Variants in REDIC1 observed in about 807,000 individuals in gnomAD.
The protein encoded by REDIC1 is regulator of DNA class I crossover intermediates 1, also known as HEI10 Interacting Protein 1.
At chr12:39,896,023 C>A in the REDIC1 span, among the ~76,000 whole-genome samples, 2 of 135,606 alleles carry the variant, frequency 1.5e-5, no homozygotes, top group Non-Finnish European at 3.1e-5. Flanking sequence ...TATATGTATA[C>A]ATACATGCAT....
the REDIC1 span, among the ~76,000 whole-genome samples, chr12:39,811,178 A>C: frequency 6.6e-6 from 1 of 152,080 alleles, no homozygotes; most frequent in Admixed American, 6.5e-5. Flanking sequence ...TAATTATAAT[A>C]ATAGAAAGTT....
chr12:39,683,238 G>C, the REDIC1 span: 23 of 1,280,512 alleles, frequency 1.8e-5, no homozygotes, highest in Admixed American at 2.4e-5. Context: ...CTATATATTT[G>C]TATGTGTGTT....
the REDIC1 span, chr12:39,764,917 T>A: frequency 6.4e-7 from 1 of 1,557,542 alleles, no homozygotes; most frequent in Non-Finnish European, 8.8e-7. Context: ...TTGCAGAAAT[T>A]CAATATGATC....
the REDIC1 span, chr12:39,716,692 G>C: frequency 8.5e-7 from 1 of 1,173,406 alleles, no homozygotes; most frequent in African/African-American, 1.6e-5. Context: ...TCTTCTGCCT[G>C]GCATATGTAT....
chr12:39,686,615 A>G, the REDIC1 span, among the ~76,000 whole-genome samples: 1 of 150,224 alleles, frequency 6.7e-6, no homozygotes, highest in Non-Finnish European at 1.5e-5. Context: ...GTGAAATGCC[A>G]TTGAGACCTA....
At chr12:39,766,598 A>C in the REDIC1 span, among the ~76,000 whole-genome samples, 1 of 151,942 alleles carries the variant, frequency 6.6e-6, no homozygotes, top group East Asian at 1.9e-4. Flanking sequence ...CCTTCACTAA[A>C]TATTTCTCTG....
chr12:39,748,491 G>A, the REDIC1 span, among the ~76,000 whole-genome samples: 3 of 152,166 alleles, frequency 2.0e-5, no homozygotes, highest in Non-Finnish European at 2.9e-5. Context: ...ACACCCCACT[G>A]TCAACATTAG....
the REDIC1 span, among the ~76,000 whole-genome samples, chr12:39,678,705 T>C: frequency 1.4e-5 from 2 of 143,504 alleles, no homozygotes; most frequent in Admixed American, 1.4e-4. Context: ...CTCAACAAAA[T>C]ACTAGCTAAC....
At chr12:39,839,629 T>A in the REDIC1 span, among the ~76,000 whole-genome samples, 927 of 152,154 alleles carry the variant, frequency 6.1e-3, 11 homozygotes, top group African/African-American at 0.021. Flanking sequence ...TCCCTTTGTT[T>A]CTCCCACCTC....
the REDIC1 span, among the ~76,000 whole-genome samples, chr12:39,858,911 T>C: frequency 6.6e-6 from 1 of 152,208 alleles, no homozygotes; most frequent in Non-Finnish European, 1.5e-5. Context: ...CGACCGTTTT[T>C]ACACATTTCT....
the REDIC1 span, chr12:39,650,265 C>G: frequency 6.2e-7 from 1 of 1,609,364 alleles, no homozygotes; most frequent in Non-Finnish European, 8.5e-7. This position sits in a 1 kb window ranked among gnomAD's most constrained non-coding sequence, Gnocchi z 4.3. Context: ...GTTCTGATTC[C>G]TTGCTTTCCA....
the REDIC1 span, among the ~76,000 whole-genome samples, chr12:39,672,054 C>T: frequency 2.4e-4 from 37 of 152,058 alleles, no homozygotes; most frequent in African/African-American, 8.4e-4. Flanking sequence ...GCAGGACAAG[C>T]GCCAGGACTC....
At chr12:39,647,961 A>G in the REDIC1 span, 3 of 1,559,658 alleles carry the variant, frequency 1.9e-6, no homozygotes, top group Middle Eastern at 1.7e-4. Flanking sequence ...GCATATGAAA[A>G]AAAGCAGAAT....
At chr12:39,731,946 C>T in the REDIC1 span, among the ~76,000 whole-genome samples, 1 of 151,974 alleles carries the variant, frequency 6.6e-6, no homozygotes, top group African/African-American at 2.4e-5. Context: ...TCATTCTAAC[C>T]TCCACCCAAG....
chr12:39,743,632 G>C, the REDIC1 span, among the ~76,000 whole-genome samples: 1 of 152,156 alleles, frequency 6.6e-6, no homozygotes. Context: ...GAGGTAAGCA[G>C]AGAGATGAAA....
the REDIC1 span, among the ~76,000 whole-genome samples, chr12:39,653,558 T>TTCTTCTTCTTCTTTTTC: frequency 4.6e-5 from 2 of 43,868 alleles, no homozygotes; most frequent in Non-Finnish European, 5.5e-5. Flanking sequence ...CTTCTTCTTC[T>TTCTTCTTCTTCTTTTTC]TTCTTCTTCT....
chr12:39,712,854 TATGTATATAC>T, the REDIC1 span, among the ~76,000 whole-genome samples: 6 of 69,146 alleles, frequency 8.7e-5, no homozygotes, highest in Non-Finnish European at 4.3e-5. Context: ...TATATACACA[TATGTATATAC>T]ACGTATATAC....
At chr12:39,650,120 A>G in the REDIC1 span, 73 of 1,105,642 alleles carry the variant, frequency 6.6e-5, no homozygotes, top group Middle Eastern at 9.8e-4. The surrounding 1 kb of genome is among the most constrained non-coding windows in gnomAD (Gnocchi z 4.3). Context: ...ATTTTGGACT[A>G]TTTTTACAAT....
chr12:39,637,510 C>T, the REDIC1 span, among the ~76,000 whole-genome samples: 1 of 151,894 alleles, frequency 6.6e-6, no homozygotes, highest in South Asian at 2.1e-4. Flanking sequence ...GTACATAAGT[C>T]GAAGAATGTA....
Sources: gnomAD v4.1 joint callset for allele counts (sites outside exome capture counted in the v4.1 genomes callset) on GRCh38, gnomAD v4.1.1 for gene constraint, Gnocchi (gnomAD v3.1) non-coding constraint, MANE v1.5 for transcripts, NCBI Gene and HGNC (gene_info 2026-07-23, HGNC 2026-07-21) for gene names.